The following CLASP2 variants were observed in gnomAD, a reference collection of about 807,000 sequenced individuals.
The protein encoded by CLASP2 is cytoplasmic linker associated protein 2, also known as CLIP-associating protein 2.
CLASP2 carries 47 observed loss-of-function variants against 194.4 expected under a neutral mutation model. The ratio of observed to expected loss-of-function variants is 0.24; its 90% CI spans 0.19 to 0.31. The LOEUF (loss-of-function observed/expected upper bound fraction) is 0.31. CLASP2 is among the 10% of genes least tolerant of loss of function. The probability of loss-of-function intolerance (pLI) is 1.00; values close to 1 mark genes in which losing one functional copy is unlikely to be tolerated. For missense variants in CLASP2, 1,445 were observed against 1,823.6 expected (o/e 0.79, Z 3.78); for synonymous variants, 619 against 633.5 (o/e 0.98, Z 0.34).
At chr3:33,703,511 A>T (rs2092502989) in intron 1 of CLASP2, among the ~76,000 whole-genome samples, 1 of 152,222 alleles carries the variant, frequency 6.6e-6, no homozygotes, top group Non-Finnish European at 1.5e-5. Flanking sequence ...GGGAATGCAA[A>T]ACAGTACAGT....
At chr3:33,668,593 A>G (rs1009372800) in intron 6 of CLASP2, among the ~76,000 whole-genome samples, 1 of 152,234 alleles carries the variant, frequency 6.6e-6, no homozygotes, top group Non-Finnish European at 1.5e-5. Context: ...AACTTACAGA[A>G]GTTTAAGATC....
intron 8 of CLASP2, among the ~76,000 whole-genome samples, chr3:33,634,769 G>A (rs2079796143): frequency 6.6e-6 from 1 of 152,056 alleles, no homozygotes; most frequent in Non-Finnish European, 1.5e-5. Flanking sequence ...TTCAAAACAT[G>A]TGGTACACAA....
chr3:33,607,899 T>G lies in CLASP2; in HGVS notation c.1449-438A>C, dbSNP rs116639306. Among the ~76,000 whole-genome samples, 570 of 152,314 alleles carry G rather than the reference T, an allele frequency of 3.7e-3. 2 individuals carry two copies. The highest frequency in any genetic ancestry group is 0.013 in the African/African-American group (542 of 41,582). On this transcript the variant is annotated intron_variant, in intron 14 of 38. Transcript: ENST00000682230. ...GAAGAACGCAAAGAAAACTTGAAAT[T>G]ATATTATGCCTACATTAAAAAACAA...
chr3:33,522,470 C>A (rs1378928368), intron 34 of CLASP2, among the ~76,000 whole-genome samples: 1 of 152,108 alleles, frequency 6.6e-6, no homozygotes, highest in African/African-American at 2.4e-5. Context: ...AATGTAACCA[C>A]ATTATTAAGA....
At chr3:33,518,247 T>C (rs1342519573) in intron 34 of CLASP2, among the ~76,000 whole-genome samples, 3 of 152,250 alleles carry the variant, frequency 2.0e-5, no homozygotes, top group African/African-American at 7.2e-5. Flanking sequence ...AATTACAAAC[T>C]CATGGATTTT....
chr3:33,650,944 C>T (rs1334991642), intron 7 of CLASP2, among the ~76,000 whole-genome samples: 1 of 152,182 alleles, frequency 6.6e-6, no homozygotes, highest in African/African-American at 2.4e-5. Flanking sequence ...AGTCAAAAAG[C>T]TCTAAAAACC....
chr3:33,684,383 T>C lies in CLASP2; in HGVS notation c.620A>G (p.Tyr207Cys), dbSNP rs766651689. The change falls in exon 6 of 39, where the codon TAT (tyrosine) becomes TGT (cysteine). Residue 207 changes from tyrosine (Y) to cysteine (C), a missense_variant. By Grantham distance (194) the Tyr-to-Cys change is radical. Transcript: ENST00000682230. Reference protein sequence around the residue: ...HVGEKVRMDLYKRGIPPARLE... With the variant: ...HVGEKVRMDLCKRGIPPARLE... Reference sequence around the variant, plus strand: ...CCTAGCAGGGGGAATTCCTCTCTTATAAAGATCCATCCTCACTTTTTCTCC... The same window carrying C: ...CCTAGCAGGGGGAATTCCTCTCTTACAAAGATCCATCCTCACTTTTTCTCC... The C allele has an allele frequency of 1.1e-5, 18 of 1,600,408 alleles. No homozygotes were observed. The South Asian group carries it at 1.7e-4, about 15-fold the overall frequency.
chr3:33,691,445 A>T (rs2091340859), intron 2 of CLASP2, among the ~76,000 whole-genome samples: 2 of 152,236 alleles, frequency 1.3e-5, no homozygotes. Context: ...TGGGAAAAAA[A>T]ATGACTAGAG....
At chr3:33,666,263 T>G (rs1439639404) in intron 6 of CLASP2, among the ~76,000 whole-genome samples, 1 of 152,204 alleles carries the variant, frequency 6.6e-6, no homozygotes, top group East Asian at 1.9e-4. Flanking sequence ...CGATTTTTAG[T>G]ATATCTGCAG....
chr3:33,501,187 T>C (rs532332913), intron 38 of CLASP2, among the ~76,000 whole-genome samples: 1 of 152,328 alleles, frequency 6.6e-6, no homozygotes, highest in Admixed American at 6.5e-5. Flanking sequence ...TTAATTTGGA[T>C]AATAGAAAGA....
intron 33 of CLASP2, among the ~76,000 whole-genome samples, chr3:33,538,056 G>C (rs1354780601): frequency 6.6e-6 from 1 of 152,066 alleles, no homozygotes; most frequent in Admixed American, 6.5e-5. Flanking sequence ...CAGGAGAATG[G>C]CGTGAACCCG....
intron 10 of CLASP2, among the ~76,000 whole-genome samples, chr3:33,625,550 G>T (rs2077874072): frequency 6.8e-6 from 1 of 148,056 alleles, no homozygotes. Context: ...AATGTATCAA[G>T]TATGATCTCT....
At chr3:33,537,271 T>C (rs1241358903) in intron 33 of CLASP2, among the ~76,000 whole-genome samples, 4 of 152,118 alleles carry the variant, frequency 2.6e-5, no homozygotes, top group Non-Finnish European at 4.4e-5. Flanking sequence ...CTTTGAAGGG[T>C]AGGGAACCTC....
intron 12 of CLASP2, among the ~76,000 whole-genome samples, chr3:33,614,298 G>GTC (rs2075728859): frequency 1.3e-5 from 2 of 152,138 alleles, no homozygotes; most frequent in Non-Finnish European, 2.9e-5. Flanking sequence ...CTTACATACA[G>GTC]CTGTTAAGAC....
intron 36 of CLASP2, among the ~76,000 whole-genome samples, chr3:33,515,070 G>GA (rs1246966900): frequency 6.6e-5 from 10 of 152,134 alleles, no homozygotes; most frequent in African/African-American, 2.4e-4. Context: ...GGACTTGGGG[G>GA]AAAGAGTGGG....
chr3:33,536,255 C>CA (rs71952127), intron 33 of CLASP2, among the ~76,000 whole-genome samples: 53,732 of 136,788 alleles, frequency 0.39, 10,219 homozygotes, highest in Admixed American at 0.53. Flanking sequence ...AGGGACAGAC[C>CA]AAAAAAAAAA....
chr3:33,705,906 G>A (rs2092655960), intron 1 of CLASP2, among the ~76,000 whole-genome samples: 1 of 152,106 alleles, frequency 6.6e-6, no homozygotes, highest in Non-Finnish European at 1.5e-5. Context: ...GGAAAAGTAT[G>A]TATATCAAAA....
At chr3:33,586,790 T>C (rs560044000) in intron 21 of CLASP2, among the ~76,000 whole-genome samples, 1 of 152,236 alleles carries the variant, frequency 6.6e-6, no homozygotes, top group African/African-American at 2.4e-5. Flanking sequence ...TATGATTATA[T>C]GTTATACAGT....
At position 33,573,217 on chromosome 3, in the gene CLASP2, C is replaced by T. The variant is rs533063707; in HGVS notation, c.2592G>A (p.Thr864=). Residue 864 remains threonine, a synonymous_variant, in exon 25 of 39, where the codon ACG becomes ACA. Transcript: ENST00000682230. ...TATTGAGGACTTCTGCCACATCTTC[C>T]GTCTGCCTCATATATGTAGGAATAC... is the stretch of plus-strand genomic sequence containing the variant. The part of the protein sequence containing the change: ...NGSIPTYMRQ[T]EDVAEVLNRC... 22 of 1,613,856 alleles carry T rather than the reference C, an allele frequency of 1.4e-5. No individual in the cohort carries two copies. Among genetic ancestry groups the T allele is most frequent in the Admixed American group, 1.0e-4 (6 of 60,020 alleles).
Sources: gnomAD v4.1 joint callset for allele counts (sites outside exome capture counted in the v4.1 genomes callset) on GRCh38, gnomAD v4.1.1 for gene constraint, MANE v1.5 for transcripts, NCBI Gene and HGNC (gene_info 2026-07-23, HGNC 2026-07-21) for gene names.